HIRA: variants seen among roughly 807,000 people sequenced by gnomAD.
The protein encoded by HIRA is protein HIRA.
HIRA carries 13 observed loss-of-function variants against 126.6 expected under a neutral mutation model. The ratio of observed to expected loss-of-function variants is 0.10; its 90% confidence interval spans 0.07 to 0.16. The LOEUF is 0.16. Ranked by LOEUF, HIRA falls within the 10% of genes least tolerant of loss-of-function variation. HIRA has a pLI of 1.00. For synonymous variants in HIRA, 511 were observed against 520.0 expected, an observed-to-expected ratio of 0.98 and a Z score of 0.24; for missense variants, 834 against 1,314.4, an observed-to-expected ratio of 0.63 and a Z score of 5.65.
Position 19,355,751 on chromosome 22 carries a change from C to T in HIRA, c.2561+9G>A, listed in dbSNP as rs781825586. Reference sequence around the variant, plus strand: ...TCCAGGGAATAGGACTGGGGGTCAGCTTGCTTACCATGTGGAAAGTGACGG... The same window carrying T: ...TCCAGGGAATAGGACTGGGGGTCAGTTTGCTTACCATGTGGAAAGTGACGG... On this transcript the variant is annotated intron_variant, in intron 21 of 24. Coordinates refer to ENST00000263208, the MANE Select transcript of HIRA (RefSeq NM_003325.4). 251 of 1,598,812 alleles carry T rather than the reference C, an allele frequency of 1.6e-4. 2 individuals carry two copies. In the Admixed American group the frequency reaches 4.2e-3, roughly 27 times the overall value.
At chr22:19,393,546 C>T (rs190641948) in intron 8 of HIRA, among the ~76,000 whole-genome samples, 7 of 151,936 alleles carry the variant, frequency 4.6e-5, no homozygotes, top group Non-Finnish European at 2.9e-5. Flanking sequence ...TCAGTAGAGA[C>T]GGGGTTTCAT....
In HIRA at chr22:19,372,529, T is replaced by C. The variant is rs2088975925; in HGVS notation, c.1775+3102A>G. On this transcript the variant is annotated intron_variant, in intron 15 of 24. Coordinates refer to ENST00000263208, the MANE Select transcript of HIRA (RefSeq NM_003325.4). ...ATATTTTCTCCCATTCTGTAGGTTGTCTTTCAATTCTGATAGTGCTTTGGA... is the reference window on the plus strand; with the variant it reads ...ATATTTTCTCCCATTCTGTAGGTTGCCTTTCAATTCTGATAGTGCTTTGGA... Among the ~76,000 whole-genome samples, 3 of 152,276 alleles carry C rather than the reference T, an allele frequency of 2.0e-5. No homozygotes were observed. In the South Asian group the frequency reaches 6.2e-4, roughly 32 times the overall value.
chr22:19,358,242 T>C (rs536840434), intron 18 of HIRA, among the ~76,000 whole-genome samples: 1 of 152,306 alleles, frequency 6.6e-6, no homozygotes, highest in Non-Finnish European at 1.5e-5. Context: ...TATCTGCCCA[T>C]CTCTGGTGGT....
chr22:19,387,568 T>C (rs767244861), intron 11 of HIRA, 143 bp downstream of exon 11: 1 of 599,058 alleles, frequency 1.7e-6, no homozygotes, highest in Non-Finnish European at 3.0e-6. Flanking sequence ...GATTACAAGA[T>C]ATAAAAGATG....
intron 15 of HIRA, among the ~76,000 whole-genome samples, chr22:19,366,812 G>C (rs915085962): frequency 1.3e-5 from 2 of 152,152 alleles, no homozygotes; most frequent in South Asian, 4.1e-4. Flanking sequence ...CCAGGCTGGA[G>C]TACAGTGGCA....
intron 4 of HIRA, 115 bp downstream of exon 4, chr22:19,407,069 T>C (rs1459862316): frequency 1.3e-5 from 11 of 815,088 alleles, no homozygotes; most frequent in Non-Finnish European, 2.3e-5. Context: ...TTTCCACTAC[T>C]TATGAGGTCA....
At chr22:19,357,774 T>C (rs1317776488) in intron 18 of HIRA, among the ~76,000 whole-genome samples, 41 of 152,148 alleles carry the variant, frequency 2.7e-4, no homozygotes, top group Admixed American at 2.7e-3. Flanking sequence ...GAGCCCTGCT[T>C]TGTGTCACTT....
At chr22:19,363,544 T>C (rs900499971) in intron 15 of HIRA, among the ~76,000 whole-genome samples, 1 of 152,154 alleles carries the variant, frequency 6.6e-6, no homozygotes, top group Non-Finnish European at 1.5e-5. Context: ...AAAAGATCAG[T>C]GGTTTCCAGG....
Position 19,350,874 on chromosome 22 carries a change from C to G in HIRA, c.2937+484G>C, listed in dbSNP as rs1267794931. Among the ~76,000 whole-genome samples, 5 of 152,106 alleles carry G rather than the reference C, an allele frequency of 3.3e-5. No individual in the cohort carries two copies. The East Asian group carries it at 9.6e-4, about 29-fold the overall frequency. ...TCCAGGTCTCTGTATGGCTGTCTCA[C>G]TCTTCTCCTTGGGTTTCATCCGCAG... On this transcript the variant is annotated intron_variant, in intron 24 of 24. Transcript: ENST00000263208.
Position 19,377,968 on chromosome 22 carries a change from T to C in HIRA, c.1514A>G (p.Asp505Gly). 6.2e-7 allele frequency: 1 copy of C among 1,613,202 alleles called. No homozygotes were observed. Among genetic ancestry groups the C allele is most frequent in the Non-Finnish European group, 8.5e-7 (1 of 1,179,684 alleles). ...SHSSPQLLPL[D>G]SSTPNSFGAS... is the part of the protein sequence containing the mutation. ...GCCGAAGGAGTTAGGGGTACTGGAG[T>C]CCAGTGGCAGTAGCTGTGGACTGCT... Residue 505 changes from aspartate (D) to glycine (G), a missense_variant, in exon 14 of 25, where the codon GAC (aspartate) becomes GGC (glycine). By Grantham distance (94) the Asp-to-Gly change is moderately conservative (BLOSUM62 -1). This residue lies in a region of HIRA where 468 missense variants were observed against 574.2 expected (regional missense o/e 0.82). Transcript: ENST00000263208.
Position 19,361,772 on chromosome 22 carries a change from C to G in HIRA, c.1935G>C (p.Arg645=), listed in dbSNP as rs775255840. Residue 645 remains arginine (R), a synonymous_variant, in exon 16 of 25, where the codon CGG becomes CGC. Transcript: ENST00000263208. ...VETVEKKKKG[R]PRKDSRLMPV... is the part of the protein sequence containing the mutation. ...GCATGAGACGAGAGTCCTTCCGAGG[C>G]CGCCCTTTCTTCTTCTTCTCTACTG... The G allele has an allele frequency of 6.2e-7, 1 of 1,613,310 alleles. No homozygotes were observed. Among genetic ancestry groups the G allele is most frequent in the East Asian group, 2.2e-5 (1 of 44,884 alleles).
intron 24 of HIRA, among the ~76,000 whole-genome samples, chr22:19,335,616 T>A (rs1556005755): frequency 6.6e-6 from 1 of 152,220 alleles, no homozygotes; most frequent in Non-Finnish European, 1.5e-5. Flanking sequence ...GGAGGTATAT[T>A]TTTATGAACT....
Position 19,338,961 on chromosome 22 carries a change from A to G in HIRA, c.2938-7405T>C, listed in dbSNP as rs2088596852. The stretch of plus-strand genomic sequence containing the variant: ...ACCCTAGAACAAATGGACTTAACAC[A>G]TATTTACAGAACATTCTACCCAACA... On this transcript the variant is annotated intron_variant, in intron 24 of 24. Coordinates refer to ENST00000263208, the MANE Select transcript of HIRA (RefSeq NM_003325.4). Among the ~76,000 whole-genome samples, 3 of 152,356 alleles carry G rather than the reference A, an allele frequency of 2.0e-5. No individual in the cohort carries two copies. The South Asian group carries it at 6.2e-4, about 32-fold the overall frequency.
At chr22:19,353,950 C>G (rs782276799) in intron 22 of HIRA, 46 bp downstream of exon 22, 12 of 1,602,466 alleles carry the variant, frequency 7.5e-6, no homozygotes, top group African/African-American at 1.3e-5. Context: ...AGGCACTTCC[C>G]CAGGGCAGGA....
intron 24 of HIRA, among the ~76,000 whole-genome samples, chr22:19,342,457 G>C (rs2088641125): frequency 6.6e-6 from 1 of 152,136 alleles, no homozygotes; most frequent in South Asian, 2.1e-4. Context: ...CACGATCTCG[G>C]CTCACTGGAA....
chr22:19,419,394 T>G (rs1248250890), intron 1 of HIRA, among the ~76,000 whole-genome samples: 8 of 152,136 alleles, frequency 5.3e-5, no homozygotes, highest in Non-Finnish European at 1.2e-4. Flanking sequence ...CCAGGTGCGC[T>G]CCTATCTTGG....
rs1556010750 is a variant in HIRA at position 19,351,135 on chromosome 22, CACGTGGCGGAGCACT to C, written c.2937+208_2937+222del. 1.0e-6 allele frequency: 1 copy of C among 985,272 alleles called. No individual in the cohort carries two copies. The highest frequency in any genetic ancestry group is 1.2e-6 in the Non-Finnish European group (1 of 829,934). 61.0% of individuals were successfully genotyped at this position (985,272 alleles called of 1,614,324 possible). On this transcript the variant is annotated intron_variant, in intron 24 of 24. Coordinates refer to ENST00000263208, the MANE Select transcript of HIRA (RefSeq NM_003325.4). The surrounding 1 kb of genome is among the most constrained non-coding windows in gnomAD (Gnocchi z 4.8). ...TGCAGGCAGCCTCCCTCAGCACAGG[CACGTGGCGGAGCACT>C]CCGTGGCTCCTGATGTCCAGGGCCC...
intron 1 of HIRA, among the ~76,000 whole-genome samples, chr22:19,413,204 G>T (rs2089368029): frequency 6.6e-6 from 1 of 152,098 alleles, no homozygotes; most frequent in Non-Finnish European, 1.5e-5. Context: ...TTCAAGGCAG[G>T]GTAATGCCAA....
At chr22:19,427,872 G>C (rs1417413321) in intron 1 of HIRA, among the ~76,000 whole-genome samples, 2 of 152,128 alleles carry the variant, frequency 1.3e-5, no homozygotes, top group Non-Finnish European at 2.9e-5. Context: ...CAGAAACCTA[G>C]TTGTTTTTAC....
Sources: gnomAD v4.1 joint callset for allele counts (sites outside exome capture counted in the v4.1 genomes callset) on GRCh38, gnomAD v4.1.1 for gene constraint, gnomAD v4.1.1 regional missense constraint, Gnocchi (gnomAD v3.1) non-coding constraint, MANE v1.5 for transcripts, NCBI Gene and HGNC (gene_info 2026-07-23, HGNC 2026-07-21) for gene names.